FLCN: variants seen among roughly 807,000 people sequenced by gnomAD.
FLCN encodes the protein folliculin.
A neutral mutation model predicts 62.5 loss-of-function variants in FLCN; 22 were observed. The ratio of observed to expected loss-of-function variants is 0.35; its 90% CI spans 0.25 to 0.50. FLCN has a LOEUF of 0.50. Among genes scored for constraint, FLCN ranks in the 20% least tolerant of loss-of-function variants. FLCN has a pLI of 0.97. For synonymous variants in FLCN, 319 were observed against 310.0 expected (o/e 1.03, Z -0.30); for missense variants, 657 against 778.0 (o/e 0.84, Z 1.85).
At chr17:17,234,099 G>A (rs2047506532) in intron 1 of FLCN, among the ~76,000 whole-genome samples, 1 of 151,920 alleles carries the variant, frequency 6.6e-6, no homozygotes, top group East Asian at 1.9e-4. Context: ...TACTTTTCAG[G>A]CCATAGGCCT....
At position 17,222,572 on chromosome 17, in the gene FLCN, G is replaced by A. The variant is rs750394475; in HGVS notation, c.708C>T (p.Asn236=). ...FTPFLHQRNG[N]AARSLTSLTS... The stretch of plus-strand genomic sequence containing the variant: ...TCAGCGATGTCAGCGAGCGGGCGGC[G>A]TTGCCGTTCCTCTGGTGTAGGAATG... Residue 236 remains asparagine (N), a synonymous_variant, in exon 7 of 14, where the codon AAC becomes AAT. Coordinates refer to ENST00000285071, the MANE Select transcript of FLCN (RefSeq NM_144997.7). The A allele has an allele frequency of 4.6e-5, 75 of 1,614,124 alleles. No individual in the cohort carries two copies. Among genetic ancestry groups the A allele is most frequent in the Middle Eastern group, 1.6e-4 (1 of 6,084 alleles).
chr17:17,213,093 G>A lies in FLCN; in HGVS notation c.*562C>T, dbSNP rs903021698. The A allele has an allele frequency of 1.1e-5, 3 of 263,870 alleles. No homozygotes were observed. Among genetic ancestry groups the A allele is most frequent in the African/African-American group, 6.5e-5 (3 of 46,178 alleles). The allele number at this position is 263,870 out of a possible 1,614,324, so 16.3% of individuals were successfully genotyped here. ...TGGCTTCAGAACACACATTTCAGAGGACCAAAAGATGAGGAAGAGATCCAC... is the reference window on the plus strand; with the variant it reads ...TGGCTTCAGAACACACATTTCAGAGAACCAAAAGATGAGGAAGAGATCCAC... On this transcript the variant is annotated 3_prime_UTR_variant, in exon 14 of 14. Coordinates refer to ENST00000285071, the MANE Select transcript of FLCN (RefSeq NM_144997.7).
rs144883828 is a variant in FLCN at position 17,215,199 on chromosome 17, A to G, written c.1418T>C (p.Val473Ala). ...GGGGCACCCACCTCGGTCTGCAGCTACAGGGCTCCCACTGGTCACCACAAA... is the reference window on the plus strand; with the variant it reads ...GGGGCACCCACCTCGGTCTGCAGCTGCAGGGCTCCCACTGGTCACCACAAA... ...YEFVVTSGSP[V>A]AADRVGPTIL... Residue 473 changes from valine to alanine, a missense_variant, in exon 12 of 14, where the codon GTA becomes GCA. By Grantham distance (64) the Val-to-Ala change is moderately conservative (BLOSUM62 0). Coordinates refer to ENST00000285071, the MANE Select transcript of FLCN (RefSeq NM_144997.7). 122 of 1,614,082 alleles carry G rather than the reference A, an allele frequency of 7.6e-5. No homozygotes were observed. Among genetic ancestry groups the G allele is most frequent in the Non-Finnish European group, 9.2e-5 (108 of 1,180,052 alleles).
At chr17:17,231,928 C>T (rs2047435226) in intron 2 of FLCN, 46 bp from the exon 3 acceptor site, 1 of 153,326 alleles carries the variant, frequency 6.5e-6, no homozygotes, top group Non-Finnish European at 1.5e-5. Flanking sequence ...TGAAGAGAAC[C>T]TTAGCTGGGC....
Position 17,216,439 on chromosome 17 carries a change from C to T in FLCN, c.1241G>A (p.Arg414Gln), listed in dbSNP as rs1363880753. ...PYSSQYEEAY[R>Q]CNFLGLSPHV... ...CGGGCTGAGCCCCAGGAAGTTGCAC[C>T]GATAGGCCTCCTCGTACTGGCTGCT... The change falls in exon 11 of 14, where the codon CGG becomes CAG. Residue 414 changes from arginine to glutamine, a missense_variant. By Grantham distance (43) the Arg-to-Gln change is conservative. Transcript: ENST00000285071. The surrounding 1 kb of genome is among the most constrained non-coding windows in gnomAD (Gnocchi z 4.0). 5.6e-6 allele frequency: 9 copies of T among 1,613,712 alleles called. No homozygotes were observed. Among genetic ancestry groups the T allele is most frequent in the East Asian group, 2.2e-5 (1 of 44,878 alleles).
Position 17,212,975 on chromosome 17 carries a change from T to A in FLCN, c.*680A>T, listed in dbSNP as rs539709518. 4.2e-6 allele frequency: 1 copy of A among 237,528 alleles called. No individual in the cohort carries two copies. Among genetic ancestry groups the A allele is most frequent in the Non-Finnish European group, 8.3e-6 (1 of 120,422 alleles). The allele number at this position is 237,528 out of a possible 1,614,324, so 14.7% of individuals were successfully genotyped here. ...GATGCTTGCCGACCCCTCAGCAACC[T>A]GTCTTGTGCAAAAATGATCAGGGAC... On this transcript the variant is annotated 3_prime_UTR_variant, in exon 14 of 14. Transcript: ENST00000285071.
At chr17:17,223,803 T>C in intron 6 of FLCN, 119 bp downstream of exon 6, 1 of 1,002,722 alleles carries the variant, frequency 1.0e-6, no homozygotes, top group Non-Finnish European at 1.5e-6. Context: ...ATTCACACAG[T>C]GCACTGGCTG....
rs1326582126 is a variant in FLCN at position 17,216,891 on chromosome 17, G to C, written c.1176+178C>G. On this transcript the variant is annotated intron_variant, in intron 10 of 13. Coordinates refer to ENST00000285071, the MANE Select transcript of FLCN (RefSeq NM_144997.7). The surrounding 1 kb of genome is among the most constrained non-coding windows in gnomAD (Gnocchi z 4.0). ...CAGCAGGCACACGCATCCTTCTGAT[G>C]ATTTAAACATCATCAGACCAGACCC... is the stretch of plus-strand genomic sequence containing the variant. The C allele has an allele frequency of 1.5e-6, 1 of 667,930 alleles. No homozygotes were observed. The highest frequency in any genetic ancestry group is 2.7e-6 in the Non-Finnish European group (1 of 367,582). The allele number at this position is 667,930 out of a possible 1,614,324, so 41.4% of individuals were successfully genotyped here.
intron 3 of FLCN, chr17:17,228,537 TC>T: frequency 3.6e-6 from 1 of 276,758 alleles, no homozygotes; most frequent in Non-Finnish European, 7.1e-6. Flanking sequence ...AGGGAGAGGG[TC>T]CTCCACCCAA....
chr17:17,217,340 G>T, intron 9 of FLCN, 158 bp from the exon 10 acceptor site: 1 of 677,928 alleles, frequency 1.5e-6, no homozygotes, highest in Non-Finnish European at 2.7e-6. Flanking sequence ...GCCCGGCCCA[G>T]GGTTAAAGGG....
intron 1 of FLCN, among the ~76,000 whole-genome samples, chr17:17,233,458 G>A (rs1188185293): frequency 4.6e-5 from 7 of 151,744 alleles, no homozygotes; most frequent in Non-Finnish European, 1.0e-4. Flanking sequence ...AATCAGCCAG[G>A]CATGGTGACA....
intron 5 of FLCN, 121 bp downstream of exon 5, chr17:17,226,055 G>T: frequency 7.1e-7 from 1 of 1,399,872 alleles, no homozygotes; most frequent in Non-Finnish European, 9.9e-7. Context: ...CTGATCTGCG[G>T]GTCCGCCCTG....
chr17:17,236,602 G>A (rs141195096), intron 1 of FLCN, among the ~76,000 whole-genome samples: 2 of 152,122 alleles, frequency 1.3e-5, no homozygotes, highest in African/African-American at 4.8e-5. Flanking sequence ...CCCTATTAGC[G>A]CATCAGAGGA....
rs566019526 is a variant in FLCN at position 17,212,620 on chromosome 17, A to G, written c.*1035T>C. ...GCCAACACGGTGAAACCCCGTCTCT[A>G]CTAAAAAATACAAAAATTAGCTGGG... On this transcript the variant is annotated 3_prime_UTR_variant, in exon 14 of 14. Transcript: ENST00000285071. 16 of 176,868 alleles carry G rather than the reference A, an allele frequency of 9.0e-5. No individual in the cohort carries two copies. The highest frequency in any genetic ancestry group is 1.6e-4 in the Non-Finnish European group (13 of 82,346). 11.0% of individuals were successfully genotyped at this position (176,868 alleles called of 1,614,324 possible).
chr17:17,222,498 T>C lies in FLCN; in HGVS notation c.779+3A>G. The stretch of plus-strand genomic sequence containing the variant: ...ATATGCCAAAAGCAGAGACGCCCGT[T>C]ACCAGGCAAAGGAGGTGTGCAGGCA... On this transcript the variant is annotated splice_donor_region_variant and intron_variant, in intron 7 of 13. Transcript: ENST00000285071. 1 of 1,614,238 alleles carries C rather than the reference T, an allele frequency of 6.2e-7. No individual in the cohort carries two copies. Among genetic ancestry groups the C allele is most frequent in the Non-Finnish European group, 8.5e-7 (1 of 1,180,030 alleles).
At chr17:17,218,172 C>G (rs776517359) in intron 9 of FLCN, among the ~76,000 whole-genome samples, 3 of 152,188 alleles carry the variant, frequency 2.0e-5, no homozygotes, top group South Asian at 2.1e-4. Context: ...GCAACCCACA[C>G]CCCTCTCTCC....
Position 17,222,562 on chromosome 17 carries a change from A to G in FLCN, c.718T>C (p.Ser240Pro), listed in dbSNP as rs1403312599. 6.2e-7 allele frequency: 1 copy of G among 1,614,236 alleles called. No individual in the cohort carries two copies. Among genetic ancestry groups the G allele is most frequent in the South Asian group, 1.1e-5 (1 of 91,088 alleles). The change falls in exon 7 of 14, where the codon TCG (serine) becomes CCG (proline). Residue 240 changes from serine (S) to proline (P), a missense_variant. Coordinates refer to ENST00000285071, the MANE Select transcript of FLCN (RefSeq NM_144997.7). ...LHQRNGNAAR[S>P]LTSLTSDDNL... is the part of the protein sequence containing the mutation. The stretch of plus-strand genomic sequence containing the variant: ...TCATCACTTGTCAGCGATGTCAGCG[A>G]GCGGGCGGCGTTGCCGTTCCTCTGG...
chr17:17,227,811 G>A (rs999398412), intron 4 of FLCN, 78 bp downstream of exon 4: 30 of 1,606,628 alleles, frequency 1.9e-5, no homozygotes, highest in South Asian at 8.8e-5. Context: ...GGGAGGCCCC[G>A]TCCACTGCTC....
At chr17:17,215,367 T>C in intron 11 of FLCN, 51 bp from the exon 12 acceptor site, 2 of 1,611,564 alleles carry the variant, frequency 1.2e-6, no homozygotes, top group Non-Finnish European at 1.7e-6. Flanking sequence ...GCTCCTCACC[T>C]CCCCTGCGCT....
Sources: gnomAD v4.1 joint callset for allele counts (sites outside exome capture counted in the v4.1 genomes callset) on GRCh38, gnomAD v4.1.1 for gene constraint, Gnocchi (gnomAD v3.1) non-coding constraint, MANE v1.5 for transcripts, NCBI Gene and HGNC (gene_info 2026-07-23, HGNC 2026-07-21) for gene names.